Variants in FRYL observed in about 807,000 individuals in gnomAD.
The protein encoded by FRYL is FRY like transcription coactivator, also known as protein furry homolog-like.
Under a neutral mutation model 351.2 loss-of-function variants are expected in FRYL, and 150 were observed. The observed-to-expected ratio is 0.43, with a 90% confidence interval of 0.37 to 0.49. The LOEUF is 0.49. Ranked by LOEUF, FRYL falls within the 20% of genes least tolerant of loss-of-function variation. FRYL has a pLI of 0.00. For missense variants in FRYL, 3,036 were observed against 3,619.3 expected, an observed-to-expected ratio of 0.84 and a Z score of 4.13; for synonymous variants, 1,153 against 1,257.1, an observed-to-expected ratio of 0.92 and a Z score of 1.75.
intron 2 of FRYL, among the ~76,000 whole-genome samples, chr4:48,707,590 A>C (rs1385106561): frequency 6.6e-6 from 1 of 151,994 alleles, no homozygotes; most frequent in Non-Finnish European, 1.5e-5. Flanking sequence ...CAAAAAGTTT[A>C]TTTTACAGAC....
At chr4:48,608,396 A>G (rs1747310334) in intron 9 of FRYL, among the ~76,000 whole-genome samples, 2 of 152,182 alleles carry the variant, frequency 1.3e-5, no homozygotes, top group African/African-American at 4.8e-5. Context: ...AACAAAGGAA[A>G]TCCAAAATCT....
intron 1 of FRYL, among the ~76,000 whole-genome samples, chr4:48,772,232 G>C (rs765476919): frequency 3.9e-5 from 6 of 152,030 alleles, no homozygotes; most frequent in Non-Finnish European, 8.8e-5. Flanking sequence ...ACTTCTACAG[G>C]CTAGCAAGTC....
chr4:48,643,894 A>AT (rs1467697507), intron 3 of FRYL, among the ~76,000 whole-genome samples: 3 of 152,194 alleles, frequency 2.0e-5, no homozygotes, highest in Admixed American at 6.5e-5. Flanking sequence ...AGGATTTATC[A>AT]TAAGTGTCAA....
chr4:48,657,565 T>C (rs1371268212), intron 3 of FRYL, among the ~76,000 whole-genome samples: 1 of 152,126 alleles, frequency 6.6e-6, no homozygotes, highest in Non-Finnish European at 1.5e-5. Context: ...CAATTTTCGA[T>C]TGTATTCTTT....
At chr4:48,645,466 T>C (rs1756280594) in intron 3 of FRYL, among the ~76,000 whole-genome samples, 1 of 152,116 alleles carries the variant, frequency 6.6e-6, no homozygotes, top group African/African-American at 2.4e-5. Context: ...CACTGTAAAT[T>C]AGTAAATTGG....
At chr4:48,773,267 C>G (rs981241725) in intron 1 of FRYL, among the ~76,000 whole-genome samples, 1 of 152,132 alleles carries the variant, frequency 6.6e-6, no homozygotes, top group African/African-American at 2.4e-5. Flanking sequence ...TATCTGTGAT[C>G]ATAGTGATCA....
chr4:48,520,731 G>T (rs750863539), intron 55 of FRYL: 29 of 190,158 alleles, frequency 1.5e-4, no homozygotes, highest in Non-Finnish European at 2.2e-4. Context: ...AACCAAAGCG[G>T]TCCTTCTAAG....
Position 48,615,439 on chromosome 4 carries a change from G to A in FRYL, c.411+3835C>T, listed in dbSNP as rs149533160. Among the ~76,000 whole-genome samples, 553 of 152,264 alleles carry A rather than the reference G, an allele frequency of 3.6e-3. 4 individuals carry two copies. The highest frequency in any genetic ancestry group is 0.013 in the African/African-American group (523 of 41,566). ...GAGCTTGAAATGGCTCACAAACTAG[G>A]TTTCTCAACTTCTTGTTTGTTTTAA... is the stretch of plus-strand genomic sequence containing the variant. On this transcript the variant is annotated intron_variant, in intron 7 of 63. Coordinates refer to ENST00000358350, the MANE Select transcript of FRYL (RefSeq NM_015030.2).
At chr4:48,696,848 CTATCTAT>C (rs1219764610) in intron 2 of FRYL, among the ~76,000 whole-genome samples, 3 of 38,656 alleles carry the variant, frequency 7.8e-5, no homozygotes, top group African/African-American at 5.1e-4. Flanking sequence ...GATAAGAGAT[CTATCTAT>C]CTATCTATCT....
chr4:48,685,861 C>G (rs926641167), intron 2 of FRYL, among the ~76,000 whole-genome samples: 7 of 152,030 alleles, frequency 4.6e-5, no homozygotes, highest in African/African-American at 1.7e-4. Context: ...TCAAGCGATT[C>G]TCCTGCCTCA....
intron 19 of FRYL, among the ~76,000 whole-genome samples, chr4:48,584,762 T>C (rs1435523299): frequency 6.6e-6 from 1 of 152,250 alleles, no homozygotes; most frequent in African/African-American, 2.4e-5. Flanking sequence ...TTAACTTTCC[T>C]TAGGGACAGG....
intron 1 of FRYL, among the ~76,000 whole-genome samples, chr4:48,736,850 G>GAAAAAAAA (rs368006420): frequency 2.5e-4 from 10 of 40,490 alleles, no homozygotes; most frequent in Admixed American, 7.6e-4. Flanking sequence ...ACTCTGTCTC[G>GAAAAAAAA]AAAAAAAAAA....
chr4:48,682,546 A>G (rs190559108), intron 3 of FRYL, among the ~76,000 whole-genome samples: 67 of 152,358 alleles, frequency 4.4e-4, no homozygotes, highest in African/African-American at 1.4e-3. Context: ...TCCAGAATCT[A>G]TAAAGAACTT....
intron 62 of FRYL, 28 bp from the exon 63 acceptor site, chr4:48,500,248 A>G: frequency 6.9e-7 from 1 of 1,443,154 alleles, no homozygotes; most frequent in Non-Finnish European, 9.3e-7. Context: ...TTAAGGATCT[A>G]TTCGTATGTT....
At chr4:48,676,154 C>G (rs1433705333) in intron 3 of FRYL, among the ~76,000 whole-genome samples, 1 of 152,168 alleles carries the variant, frequency 6.6e-6, no homozygotes, top group Non-Finnish European at 1.5e-5. Flanking sequence ...AGAATAAAAG[C>G]AGGCTGCCCC....
At chr4:48,577,809 G>A (rs990865431) in intron 23 of FRYL, among the ~76,000 whole-genome samples, 1 of 151,474 alleles carries the variant, frequency 6.6e-6, no homozygotes, top group Non-Finnish European at 1.5e-5. Context: ...CCAGAAGTTC[G>A]ACATTGCAAT....
intron 50 of FRYL, among the ~76,000 whole-genome samples, chr4:48,529,812 G>GA (rs1289848037): frequency 6.6e-6 from 1 of 151,676 alleles, no homozygotes; most frequent in Admixed American, 6.6e-5. Context: ...GTGCCAGAGG[G>GA]AAAAAAAATC....
intron 1 of FRYL, among the ~76,000 whole-genome samples, chr4:48,723,485 G>A (rs1422701534): frequency 6.6e-6 from 1 of 152,052 alleles, no homozygotes; most frequent in African/African-American, 2.4e-5. Context: ...TCCCAGTCTT[G>A]CTCCTTACTA....
rs1401032954 is a variant in FRYL, at chr4:48,562,897, G to A, written c.3688C>T (p.Leu1230Phe). Reference sequence around the variant, plus strand: ...TTCACATGTTTACAAACCTGTAAAAGTTGCATAGCAACTTCATAGATACTT... The same window carrying A: ...TTCACATGTTTACAAACCTGTAAAAATTGCATAGCAACTTCATAGATACTT... ...SRSIYEVAMQ[L>F]LQILEPKMFR... The change falls in exon 32 of 64, where the codon CTT (leucine) becomes TTT (phenylalanine). Residue 1230 changes from leucine to phenylalanine, a missense_variant. Leu to Phe is a conservative substitution (Grantham distance 22). Coordinates refer to ENST00000358350, the MANE Select transcript of FRYL (RefSeq NM_015030.2). 4.5e-6 allele frequency: 7 copies of A among 1,571,060 alleles called. No individual in the cohort carries two copies. In the Admixed American group the frequency reaches 1.2e-4, roughly 27 times the overall value.
Sources: gnomAD v4.1 joint callset for allele counts (sites outside exome capture counted in the v4.1 genomes callset) on GRCh38, gnomAD v4.1.1 for gene constraint, MANE v1.5 for transcripts, NCBI Gene and HGNC (gene_info 2026-07-23, HGNC 2026-07-21) for gene names.